Variants in UGGT2 observed in about 807,000 individuals in gnomAD.
The protein encoded by UGGT2 is UDP-glucose glycoprotein glucosyltransferase 2, also known as UDP-glucose:glycoprotein glucosyltransferase 2.
A neutral mutation model predicts 192.1 loss-of-function variants in UGGT2; 180 were observed. That is an observed-to-expected ratio of 0.94 (90% CI 0.83 to 1.06). The LOEUF is 1.06. UGGT2 is among the 50% of genes least tolerant of loss of function. The pLI, the probability that UGGT2 is intolerant of heterozygous loss-of-function variation, is 0.00. For synonymous variants in UGGT2, 580 were observed against 591.0 expected (o/e 0.98, Z 0.27); for missense variants, 1,849 against 1,795.7 (o/e 1.03, Z -0.54).
intron 38 of UGGT2, among the ~76,000 whole-genome samples, chr13:95,811,470 A>T (rs1429807355): frequency 6.6e-6 from 1 of 152,138 alleles, no homozygotes; most frequent in African/African-American, 2.4e-5. Context: ...GAGATAGGGA[A>T]ATTAGGGCGT....
chr13:95,858,780 G>A (rs1054684457), intron 33 of UGGT2, among the ~76,000 whole-genome samples: 1 of 152,118 alleles, frequency 6.6e-6, no homozygotes, highest in African/African-American at 2.4e-5. Flanking sequence ...GTGCAAGCTA[G>A]TTACGTAACT....
At chr13:95,918,262 AC>A (rs1293694285) in intron 20 of UGGT2, among the ~76,000 whole-genome samples, 2 of 152,224 alleles carry the variant, frequency 1.3e-5, no homozygotes, top group African/African-American at 4.8e-5. Context: ...AAATTGAACA[AC>A]CTGCTCCTGA....
chr13:95,932,593 CTT>C (rs2049325756), intron 17 of UGGT2, among the ~76,000 whole-genome samples: 1 of 152,028 alleles, frequency 6.6e-6, no homozygotes, highest in Non-Finnish European at 1.5e-5. Context: ...ATTTATTGCT[CTT>C]GCCTGATTGC....
At chr13:95,989,691 T>C (rs1328697855) in intron 8 of UGGT2, 1 of 256,132 alleles carries the variant, frequency 3.9e-6, no homozygotes, top group Non-Finnish European at 7.8e-6. Flanking sequence ...TCCACAAATG[T>C]GATTTAATAC....
At chr13:96,019,190 G>A (rs563476197) in intron 4 of UGGT2, among the ~76,000 whole-genome samples, 29 of 136,612 alleles carry the variant, frequency 2.1e-4, no homozygotes, top group African/African-American at 7.1e-4. Flanking sequence ...AAGCTAATAA[G>A]TTAGCTTTTC....
intron 27 of UGGT2, among the ~76,000 whole-genome samples, chr13:95,883,376 G>A (rs766615170): frequency 6.6e-6 from 1 of 151,972 alleles, no homozygotes; most frequent in Non-Finnish European, 1.5e-5. Flanking sequence ...ACAATAAGGA[G>A]AAGGAAGTAA....
rs909383642 is a variant in UGGT2 at position 95,940,149 on chromosome 13, T to C, written c.1678-58A>G. On this transcript the variant is annotated intron_variant, in intron 15 of 38. Coordinates refer to ENST00000376747, the MANE Select transcript of UGGT2 (RefSeq NM_020121.4). ...TTCTTATAGCAATTAGTTTTCTTTT[T>C]TTTCCTTAGCATGCAGATAGATTTT... 6.5e-5 allele frequency: 84 copies of C among 1,301,682 alleles called. No individual in the cohort carries two copies. The Admixed American group carries it at 2.4e-3, about 37-fold the overall frequency. 80.6% of individuals were successfully genotyped at this position (1,301,682 alleles called of 1,614,324 possible).
chr13:95,861,399 T>C (rs1490758737), intron 31 of UGGT2, among the ~76,000 whole-genome samples: 1 of 152,092 alleles, frequency 6.6e-6, no homozygotes, highest in African/African-American at 2.4e-5. Flanking sequence ...CCACGCAGGG[T>C]ATGGAGTATG....
chr13:95,846,406 G>A (rs1242694119), intron 36 of UGGT2, among the ~76,000 whole-genome samples: 1 of 147,864 alleles, frequency 6.8e-6, no homozygotes, highest in East Asian at 2.2e-4. Flanking sequence ...GCATCAGAGG[G>A]AGACCGTGCA....
intron 25 of UGGT2, among the ~76,000 whole-genome samples, chr13:95,888,905 C>G (rs1365394046): frequency 6.6e-6 from 1 of 151,802 alleles, no homozygotes; most frequent in African/African-American, 2.4e-5. Flanking sequence ...ACTTCAAATT[C>G]CTGGGCTCAA....
chr13:95,997,245 T>C (rs893473412), intron 6 of UGGT2, among the ~76,000 whole-genome samples: 1 of 151,954 alleles, frequency 6.6e-6, no homozygotes, highest in Non-Finnish European at 1.5e-5. Flanking sequence ...ATACAGACCA[T>C]GAACTTTTCT....
chr13:95,837,126 C>T lies in UGGT2; in HGVS notation c.4361G>A (p.Cys1454Tyr), dbSNP rs373118035. ...PQDWLWCETWCDDESKQRAKT... is the reference protein window; with the variant it reads ...PQDWLWCETWYDDESKQRAKT... ...GGCTCTTTGTTTGGATTCATCATCA[C>T]ACCAGGTTTCACACCACAGCCAGTC... The change falls in exon 37 of 39, where the codon TGT (cysteine) becomes TAT (tyrosine). Residue 1454 changes from cysteine (C) to tyrosine (Y), a missense_variant. Transcript: ENST00000376747. The T allele has an allele frequency of 4.3e-6, 7 of 1,613,960 alleles. No individual in the cohort carries two copies. The highest frequency in any genetic ancestry group is 1.7e-5 in the Admixed American group (1 of 59,988).
intron 15 of UGGT2, among the ~76,000 whole-genome samples, chr13:95,941,037 T>A (rs2049662262): frequency 6.6e-6 from 1 of 152,212 alleles, no homozygotes; most frequent in South Asian, 2.1e-4. Flanking sequence ...AGAGATCCTC[T>A]ATGACCCAGG....
chr13:95,929,989 A>C (rs879335365), intron 17 of UGGT2, among the ~76,000 whole-genome samples: 9 of 152,264 alleles, frequency 5.9e-5, no homozygotes, highest in Admixed American at 5.9e-4. Flanking sequence ...ATGGTACGAG[A>C]TGGTGTCTCC....
intron 26 of UGGT2, among the ~76,000 whole-genome samples, chr13:95,887,562 C>G (rs1394168082): frequency 6.6e-6 from 1 of 152,134 alleles, no homozygotes; most frequent in African/African-American, 2.4e-5. Context: ...GGTAATTCTG[C>G]TAAACCAAAA....
intron 1 of UGGT2, among the ~76,000 whole-genome samples, chr13:96,036,164 C>T (rs911605360): frequency 2.6e-5 from 4 of 152,158 alleles, no homozygotes; most frequent in Non-Finnish European, 4.4e-5. Context: ...ATATCCCCAT[C>T]AATGATAGAC....
intron 38 of UGGT2, among the ~76,000 whole-genome samples, chr13:95,813,811 G>A (rs1884688284): frequency 1.3e-5 from 2 of 152,178 alleles, no homozygotes; most frequent in Non-Finnish European, 2.9e-5. Flanking sequence ...CATGGTCCAG[G>A]CCCAGGGTCC....
At chr13:95,832,816 T>C in intron 38 of UGGT2, 111 bp downstream of exon 38, 1 of 1,494,066 alleles carries the variant, frequency 6.7e-7, no homozygotes, top group African/African-American at 1.4e-5. Flanking sequence ...CAGACTTTCT[T>C]AAAGAAATTC....
intron 16 of UGGT2, among the ~76,000 whole-genome samples, chr13:95,938,847 G>T (rs938168486): frequency 6.6e-6 from 1 of 151,936 alleles, no homozygotes; most frequent in African/African-American, 2.4e-5. Flanking sequence ...CATTTTCTCT[G>T]CCTCCACTTC....
Sources: gnomAD v4.1 joint callset for allele counts (sites outside exome capture counted in the v4.1 genomes callset) on GRCh38, gnomAD v4.1.1 for gene constraint, MANE v1.5 for transcripts, NCBI Gene and HGNC (gene_info 2026-07-23, HGNC 2026-07-21) for gene names.